Variants in PSMA8 observed in about 807,000 individuals in gnomAD.
PSMA8 encodes the protein proteasome subunit alpha-type 8.
Under a neutral mutation model 32.4 loss-of-function variants are expected in PSMA8, and 18 were observed. The observed-to-expected ratio is 0.56, with a 90% CI of 0.38 to 0.82. The LOEUF (loss-of-function observed/expected upper bound fraction) is 0.82, where lower values mean the gene tolerates loss of function less well. PSMA8 is among the 40% of genes least tolerant of loss of function. PSMA8 has a pLI of 0.00. For missense variants in PSMA8, 298 were observed against 300.7 expected (o/e 0.99, Z 0.07); for synonymous variants, 104 against 98.1 (o/e 1.06, Z -0.36).
intron 4 of PSMA8, among the ~76,000 whole-genome samples, chr18:26,162,140 A>C (rs2055140503): frequency 6.6e-6 from 1 of 152,236 alleles, no homozygotes; most frequent in South Asian, 2.1e-4. Flanking sequence ...TATACCCATC[A>C]TCTCACATAC....
At chr18:26,141,119 T>G (rs1303666011) in intron 1 of PSMA8, among the ~76,000 whole-genome samples, 1 of 152,188 alleles carries the variant, frequency 6.6e-6, no homozygotes, top group Non-Finnish European at 1.5e-5. Context: ...TGGTATTATT[T>G]ATCAGTTTTG....
intron 2 of PSMA8, among the ~76,000 whole-genome samples, chr18:26,148,281 C>G (rs1400916894): frequency 6.6e-6 from 1 of 152,018 alleles, no homozygotes; most frequent in African/African-American, 2.4e-5. Flanking sequence ...AAACTAGTAG[C>G]AAACCAAATT....
intron 4 of PSMA8, among the ~76,000 whole-genome samples, chr18:26,166,942 A>G (rs374613137): frequency 6.6e-6 from 1 of 152,214 alleles, no homozygotes; most frequent in Non-Finnish European, 1.5e-5. Context: ...TAGAAATCAC[A>G]TGGGTCAACA....
At chr18:26,181,409 T>G (rs1290447605) in intron 6 of PSMA8, among the ~76,000 whole-genome samples, 2 of 152,128 alleles carry the variant, frequency 1.3e-5, no homozygotes, top group Non-Finnish European at 2.9e-5. Context: ...GGCCTCCTAT[T>G]GCCTGAGGCA....
intron 4 of PSMA8, among the ~76,000 whole-genome samples, chr18:26,171,943 C>T (rs184361096): frequency 3.3e-5 from 5 of 152,272 alleles, no homozygotes; most frequent in Admixed American, 3.3e-4. Context: ...TCCCTTTATC[C>T]TCAAGACCCA....
chr18:26,151,673 A>G (rs1010594337), intron 2 of PSMA8, among the ~76,000 whole-genome samples, 185 bp from the exon 3 acceptor site: 1 of 152,248 alleles, frequency 6.6e-6, no homozygotes, highest in Non-Finnish European at 1.5e-5. Flanking sequence ...ATCAACTTAA[A>G]TCTTGAAATA....
chr18:26,156,829 C>T (rs1361390565), intron 3 of PSMA8, among the ~76,000 whole-genome samples: 2 of 151,108 alleles, frequency 1.3e-5, no homozygotes, highest in African/African-American at 4.9e-5. Context: ...CTCTGTCACC[C>T]AGGCTGGAGT....
chr18:26,142,713 G>C (rs887522380), intron 1 of PSMA8, among the ~76,000 whole-genome samples: 2 of 152,154 alleles, frequency 1.3e-5, no homozygotes, highest in Admixed American at 6.5e-5. Context: ...TTCAGTGTCT[G>C]GAGAGTACCC....
At chr18:26,137,944 G>A (rs547422043) in intron 1 of PSMA8, among the ~76,000 whole-genome samples, 1 of 151,952 alleles carries the variant, frequency 6.6e-6, no homozygotes. Context: ...AGAGTGAAGA[G>A]TATTTTTGAC....
chr18:26,141,665 A>G (rs901862380), intron 1 of PSMA8, among the ~76,000 whole-genome samples: 1 of 151,590 alleles, frequency 6.6e-6, no homozygotes, highest in African/African-American at 2.4e-5. Context: ...GAACAATAAG[A>G]ACAAAAGCGT....
chr18:26,180,196 T>C (rs1004290005), intron 6 of PSMA8, among the ~76,000 whole-genome samples: 3 of 152,164 alleles, frequency 2.0e-5, no homozygotes, highest in Non-Finnish European at 2.9e-5. Flanking sequence ...GAAGTTGCAG[T>C]GAGCTGAGAT....
intron 1 of PSMA8, among the ~76,000 whole-genome samples, chr18:26,134,653 C>A (rs1467799905): frequency 2.6e-5 from 4 of 152,060 alleles, no homozygotes; most frequent in African/African-American, 7.2e-5. Flanking sequence ...CAAACACACG[C>A]GTTAAAAATA....
chr18:26,174,047 T>C (rs1323778880), intron 4 of PSMA8, among the ~76,000 whole-genome samples: 2 of 152,186 alleles, frequency 1.3e-5, no homozygotes, highest in Non-Finnish European at 2.9e-5. Flanking sequence ...CTTTTTAAAA[T>C]TGTTTCATTT....
intron 1 of PSMA8, among the ~76,000 whole-genome samples, chr18:26,139,886 G>C (rs1394822588): frequency 6.6e-6 from 1 of 152,208 alleles, no homozygotes; most frequent in Non-Finnish European, 1.5e-5. Context: ...GTTTCTGTCT[G>C]TTCGTTGAAC....
chr18:26,169,072 C>T (rs1598660942), intron 4 of PSMA8, among the ~76,000 whole-genome samples: 1 of 131,904 alleles, frequency 7.6e-6, no homozygotes, highest in African/African-American at 4.0e-5. Context: ...GCCTTGAACT[C>T]GTGGGCTCAA....
In PSMA8 at chr18:26,134,367, C is replaced by CTT. The variant is rs376992859; in HGVS notation, c.102+301_102+302insTT. ...TGTGTGTGTGTGTGTGTGTGTGTCT[C>CTT]TGTGTGTGTGTGTGTGTGTGTAGGG... On this transcript the variant is annotated intron_variant, in intron 1 of 6. Coordinates refer to ENST00000415576, the MANE Select transcript of PSMA8 (RefSeq NM_001025096.2). Among the ~76,000 whole-genome samples the CTT allele has an allele frequency of 7.6e-3, 1,007 of 131,990 alleles. 11 individuals are homozygous for CTT. Among genetic ancestry groups the CTT allele is most frequent in the African/African-American group, 0.033 (950 of 28,590 alleles). 86.6% of individuals were successfully genotyped at this position (131,990 alleles called of 152,430 possible).
At chr18:26,141,033 T>A (rs11083162) in intron 1 of PSMA8, among the ~76,000 whole-genome samples, 7,908 of 152,266 alleles carry the variant, frequency 0.052, 230 homozygotes, top group East Asian at 0.12. Context: ...TGTATGTATT[T>A]CTTTCACTCT....
chr18:26,186,509 G>A (rs1364205612), intron 6 of PSMA8, among the ~76,000 whole-genome samples: 1 of 152,150 alleles, frequency 6.6e-6, no homozygotes, highest in East Asian at 1.9e-4. Context: ...TTCTTAAGCT[G>A]ATTTTAGAGG....
chr18:26,179,919 CTATGA>C (rs1350554419), intron 6 of PSMA8, among the ~76,000 whole-genome samples: 1 of 144,168 alleles, frequency 6.9e-6, no homozygotes. Flanking sequence ...ACCCCCATCT[CTATGA>C]AAAAAAAAAA....
Sources: gnomAD v4.1 joint callset for allele counts (sites outside exome capture counted in the v4.1 genomes callset) on GRCh38, gnomAD v4.1.1 for gene constraint, MANE v1.5 for transcripts, NCBI Gene and HGNC (gene_info 2026-07-23, HGNC 2026-07-21) for gene names.